Variants in CDKAL1 observed in about 807,000 individuals in gnomAD.
CDKAL1 encodes the protein threonylcarbamoyladenosine tRNA methylthiotransferase.
Under a neutral mutation model 68.2 loss-of-function variants are expected in CDKAL1, and 32 were observed. The ratio of observed to expected loss-of-function variants is 0.47; its 90% CI spans 0.35 to 0.63. The LOEUF is 0.63. Among genes scored for constraint, CDKAL1 ranks in the 30% least tolerant of loss-of-function variants. The pLI is 0.00. For synonymous variants in CDKAL1, 234 were observed against 244.3 expected (o/e 0.96, Z 0.39); for missense variants, 606 against 696.7 (o/e 0.87, Z 1.47).
At chr6:21,054,156 G>A (rs1352008844) in intron 11 of CDKAL1, among the ~76,000 whole-genome samples, 4 of 152,128 alleles carry the variant, frequency 2.6e-5, no homozygotes, top group Non-Finnish European at 5.9e-5. Flanking sequence ...GTTTAATAAT[G>A]TGTGGGGTTT....
chr6:20,808,656 A>G (rs1776671174), intron 8 of CDKAL1, among the ~76,000 whole-genome samples: 1 of 151,976 alleles, frequency 6.6e-6, no homozygotes, highest in African/African-American at 2.4e-5. Context: ...AGTTGGTTGA[A>G]ACCAACTGTT....
intron 4 of CDKAL1, among the ~76,000 whole-genome samples, chr6:20,561,110 C>T (rs1764248252): frequency 6.6e-6 from 1 of 151,974 alleles, no homozygotes; most frequent in Non-Finnish European, 1.5e-5. Context: ...CTCATCTTTA[C>T]CTTTGACATG....
At position 20,907,448 on chromosome 6, in the gene CDKAL1, C is replaced by T. The variant is rs143988688; in HGVS notation, c.743-47971C>T. On this transcript the variant is annotated intron_variant, in intron 9 of 15. Coordinates refer to ENST00000274695, the MANE Select transcript of CDKAL1 (RefSeq NM_017774.3). ...AAAAACAAAATTAGTTAAGATGATA[C>T]ATTTTATGTTATATGGAACATAACG... Among the ~76,000 whole-genome samples, 462 of 151,794 alleles carry T rather than the reference C, an allele frequency of 3.0e-3. 2 individuals are homozygous for T. Among genetic ancestry groups the T allele is most frequent in the African/African-American group, 8.5e-3 (351 of 41,354 alleles).
chr6:20,538,152 G>C (rs1763250690), intron 2 of CDKAL1, among the ~76,000 whole-genome samples: 2 of 151,918 alleles, frequency 1.3e-5, no homozygotes, highest in Admixed American at 1.3e-4. Context: ...GTTTTTGTCA[G>C]CTTTGTATCA....
chr6:20,641,484 C>A (rs1190354155), intron 4 of CDKAL1, among the ~76,000 whole-genome samples: 1 of 152,116 alleles, frequency 6.6e-6, no homozygotes, highest in East Asian at 1.9e-4. Context: ...GCCCACTGAA[C>A]CTTTATCTTG....
chr6:20,716,271 A>G (rs1424772530), intron 5 of CDKAL1, among the ~76,000 whole-genome samples: 1 of 152,182 alleles, frequency 6.6e-6, no homozygotes, highest in African/African-American at 2.4e-5. Context: ...AAAAGGAGTG[A>G]TGAGGTCAAA....
intron 4 of CDKAL1, among the ~76,000 whole-genome samples, chr6:20,616,340 G>A (rs1209806425): frequency 2.6e-4 from 38 of 148,104 alleles, no homozygotes; most frequent in African/African-American, 8.9e-4. Flanking sequence ...AGCTTGATGG[G>A]GATGGCATTG....
intron 11 of CDKAL1, among the ~76,000 whole-genome samples, chr6:21,064,039 G>A (rs939285380): frequency 1.1e-4 from 17 of 152,108 alleles, no homozygotes; most frequent in South Asian, 2.1e-4. Context: ...AAAGAAGTGC[G>A]CATCCAAGTT....
intron 5 of CDKAL1, among the ~76,000 whole-genome samples, chr6:20,656,421 G>A (rs956162597): frequency 6.6e-6 from 1 of 152,020 alleles, no homozygotes; most frequent in African/African-American, 2.4e-5. Flanking sequence ...AGCAGAAGAA[G>A]GACGAATTAA....
At chr6:20,998,102 G>A (rs968184511) in intron 10 of CDKAL1, among the ~76,000 whole-genome samples, 5 of 152,092 alleles carry the variant, frequency 3.3e-5, no homozygotes, top group African/African-American at 1.2e-4. Flanking sequence ...ATTTCTCACC[G>A]CAATAGATAT....
chr6:20,908,670 C>G (rs1057161046), intron 9 of CDKAL1, among the ~76,000 whole-genome samples: 1 of 152,012 alleles, frequency 6.6e-6, no homozygotes, highest in Non-Finnish European at 1.5e-5. Context: ...AAAAGGTTTC[C>G]TCCAGTTGAC....
At chr6:20,595,261 G>T (rs561436054) in intron 4 of CDKAL1, among the ~76,000 whole-genome samples, 60 of 152,272 alleles carry the variant, frequency 3.9e-4, no homozygotes, top group African/African-American at 1.3e-3. Flanking sequence ...ATCCTGCAGA[G>T]TGTTTTCCAA....
At chr6:20,686,630 C>T (rs527266688) in intron 5 of CDKAL1, among the ~76,000 whole-genome samples, 5 of 152,172 alleles carry the variant, frequency 3.3e-5, no homozygotes, top group Non-Finnish European at 5.9e-5. Flanking sequence ...GCGCTTGAAT[C>T]ATTCTGAAAC....
At position 20,672,216 on chromosome 6, in the gene CDKAL1, TTCC is replaced by T. The variant is rs1581355962; in HGVS notation, c.371+22841_371+22843del. Among the ~76,000 whole-genome samples, 14 of 149,266 alleles carry T rather than the reference TTCC, an allele frequency of 9.4e-5. No homozygotes were observed. The South Asian group carries it at 2.4e-3, about 26-fold the overall frequency. On this transcript the variant is annotated intron_variant, in intron 5 of 15. Coordinates refer to ENST00000274695, the MANE Select transcript of CDKAL1 (RefSeq NM_017774.3). ...TCTCTTTCTTTCCTTCCTTTCTTTCTTCCTTTCTTTCTTTTCTTTCTCTTTCTT... is the reference window on the plus strand; with the variant it reads ...TCTCTTTCTTTCCTTCCTTTCTTTCTTTTCTTTCTTTTCTTTCTCTTTCTT...
At chr6:20,643,406 C>G (rs535885176) in intron 4 of CDKAL1, among the ~76,000 whole-genome samples, 1 of 152,338 alleles carries the variant, frequency 6.6e-6, no homozygotes, top group South Asian at 2.1e-4. Flanking sequence ...TCCACCTCCA[C>G]TTATCCAAAT....
At chr6:21,100,785 C>CT (rs1009741846) in intron 12 of CDKAL1, among the ~76,000 whole-genome samples, 1 of 151,990 alleles carries the variant, frequency 6.6e-6, no homozygotes, top group Non-Finnish European at 1.5e-5. Flanking sequence ...ATTCCAGGGA[C>CT]TTTTTTTCCC....
chr6:20,559,942 T>A (rs77061333), intron 4 of CDKAL1, among the ~76,000 whole-genome samples: 1 of 152,208 alleles, frequency 6.6e-6, no homozygotes, highest in Non-Finnish European at 1.5e-5. Context: ...TAAATTACCA[T>A]GAAAGCTTCA....
At chr6:20,759,884 C>T (rs1774389995) in intron 7 of CDKAL1, among the ~76,000 whole-genome samples, 1 of 152,046 alleles carries the variant, frequency 6.6e-6, no homozygotes, top group African/African-American at 2.4e-5. Flanking sequence ...GAAAGTCTCA[C>T]TTAAGTACTG....
intron 9 of CDKAL1, among the ~76,000 whole-genome samples, chr6:20,934,999 G>A (rs1056101588): frequency 2.7e-5 from 4 of 150,874 alleles, no homozygotes; most frequent in South Asian, 2.1e-4. Context: ...GGGTTCAAGC[G>A]ATTCTCTTGC....
Sources: allele counts gnomAD v4.1 joint callset (sites outside exome capture counted in the v4.1 genomes callset), GRCh38; gene constraint gnomAD v4.1.1; transcripts MANE v1.5; gene names NCBI Gene and HGNC (gene_info 2026-07-23, HGNC 2026-07-21).